The following PTAFR variants were observed in gnomAD, a reference collection of about 807,000 sequenced individuals.
PTAFR encodes the protein platelet-activating factor receptor.
A neutral mutation model predicts 14.7 loss-of-function variants in PTAFR; 8 were observed. The ratio of observed to expected loss-of-function variants is 0.54; its 90% CI spans 0.32 to 0.98. The LOEUF (loss-of-function observed/expected upper bound fraction) is 0.98, where lower values mean the gene tolerates loss of function less well. Ranked by LOEUF, PTAFR falls within the 50% of genes least tolerant of loss-of-function variation. PTAFR has a pLI of 0.04. For synonymous variants in PTAFR, 156 were observed against 176.5 expected (o/e 0.88, Z 0.92); for missense variants, 337 against 451.2 (o/e 0.75, Z 2.29).
chr1:28,192,446 T>G lies in PTAFR; in HGVS notation c.-39+1276A>C, dbSNP rs146062964. Among the ~76,000 whole-genome samples the G allele has an allele frequency of 6.7e-3, 999 of 149,710 alleles. 6 individuals carry two copies. Among genetic ancestry groups the G allele is most frequent in the Non-Finnish European group, 0.011 (745 of 67,720 alleles). ...GATGGCACATGCCTGTAATCCCAGC[T>G]ACTTGGAAGTCTGAGGCAGGAGAAT... On this transcript the variant is annotated intron_variant, in intron 1 of 1. Coordinates refer to the PTAFR transcript ENST00000305392.
intron 1 of PTAFR, among the ~76,000 whole-genome samples, chr1:28,172,871 T>C (rs1646466829): frequency 6.6e-6 from 1 of 151,910 alleles, no homozygotes; most frequent in African/African-American, 2.4e-5. Flanking sequence ...CTCGCTTATC[T>C]CAAAGCATTG....
chr1:28,155,475 T>G (rs955151963), intron 1 of PTAFR, among the ~76,000 whole-genome samples: 1 of 152,168 alleles, frequency 6.6e-6, no homozygotes, highest in African/African-American at 2.4e-5. Context: ...CCCAAAGTGC[T>G]GGGATTACAG....
chr1:28,150,791 G>GTC lies in PTAFR; in HGVS notation c.230_231insGA (p.Tyr77Ter). ...LITLPLWIVY[Y>*]QNQGNWILPK... The stretch of plus-strand genomic sequence containing the variant: ...GGAGTATCCAGTTGCCCTGGTTTTG[G>GTC]TAGTAGACAATCCAAAGTGGCAGGG... The change falls in exon 2 of 2, where the codon TAC becomes TAGAC. Residue 77 changes from tyrosine (Y) to a stop codon, truncating the protein, a stop_gained and frameshift_variant. Coordinates refer to ENST00000373857, the MANE Select transcript of PTAFR (RefSeq NM_000952.5). LOFTEE classifies it high-confidence loss of function. This position sits in a 1 kb window ranked among gnomAD's most constrained non-coding sequence, Gnocchi z 6.3. The GTC allele has an allele frequency of 6.2e-7, 1 of 1,614,108 alleles. No homozygotes were observed. Among genetic ancestry groups the GTC allele is most frequent in the Non-Finnish European group, 8.5e-7 (1 of 1,180,026 alleles).
intron 1 of PTAFR, among the ~76,000 whole-genome samples, chr1:28,188,676 C>T (rs1027290665): frequency 6.6e-6 from 1 of 151,264 alleles, no homozygotes; most frequent in African/African-American, 2.4e-5. Flanking sequence ...TGGAGGAACC[C>T]GGGAGATCGC....
chr1:28,150,462 A>G lies in PTAFR; in HGVS notation c.560T>C (p.Ile187Thr). The G allele has an allele frequency of 6.2e-7, 1 of 1,614,228 alleles. No homozygotes were observed. The highest frequency in any genetic ancestry group is 8.5e-7 in the Non-Finnish European group (1 of 1,180,046). ...YEKGSVPVLI[I>T]HIFIVFSFFL... ...GAAGCTGAACACGATGAAGATGTGG[A>G]TGATGAGGACTGGCACGCTGCCCTT... Residue 187 changes from isoleucine to threonine, a missense_variant, in exon 2 of 2, where the codon ATC becomes ACC. Coordinates refer to ENST00000373857, the MANE Select transcript of PTAFR (RefSeq NM_000952.5). The surrounding 1 kb of genome is among the most constrained non-coding windows in gnomAD (Gnocchi z 6.3).
upstream of PTAFR, among the ~76,000 whole-genome samples, chr1:28,177,436 TAG>T (rs1646527170): frequency 6.6e-6 from 1 of 152,190 alleles, no homozygotes; most frequent in Admixed American, 6.5e-5. Context: ...CCGTGTTTTG[TAG>T]AGATAGGGTC....
intron 1 of PTAFR, among the ~76,000 whole-genome samples, chr1:28,182,743 C>T (rs374700907): frequency 8.5e-4 from 129 of 152,208 alleles, no homozygotes; most frequent in African/African-American, 2.9e-3. Context: ...CGCAACGGCA[C>T]GATCTCGGCT....
chr1:28,158,215 G>A (rs1011514407), intron 1 of PTAFR, among the ~76,000 whole-genome samples: 8 of 152,196 alleles, frequency 5.3e-5, no homozygotes, highest in African/African-American at 1.9e-4. Flanking sequence ...CCAGACTTGA[G>A]GGTGAGGAGA....
chr1:28,181,466 G>T (rs943852993), upstream of PTAFR, among the ~76,000 whole-genome samples: 2 of 152,134 alleles, frequency 1.3e-5, no homozygotes, highest in African/African-American at 2.4e-5. Context: ...ATAAATTCTA[G>T]CCGGGCGCGG....
intron 1 of PTAFR, among the ~76,000 whole-genome samples, chr1:28,161,076 C>G (rs1646317676): frequency 6.6e-6 from 1 of 152,180 alleles, no homozygotes; most frequent in African/African-American, 2.4e-5. Flanking sequence ...TTGTCATTGT[C>G]TGGATGTTTA....
chr1:28,149,937 C>T lies in PTAFR; in HGVS notation c.*56G>A. ...GACCACAGTAGATATCCCTTCTTCCCCCAGCTCAGTCCATGATGTTCATGG... is the reference window on the plus strand; with the variant it reads ...GACCACAGTAGATATCCCTTCTTCCTCCAGCTCAGTCCATGATGTTCATGG... On this transcript the variant is annotated 3_prime_UTR_variant, in exon 2 of 2. Transcript: ENST00000373857. 1 of 1,557,706 alleles carries T rather than the reference C, an allele frequency of 6.4e-7. No homozygotes were observed. Among genetic ancestry groups the T allele is most frequent in the Non-Finnish European group, 8.7e-7 (1 of 1,149,038 alleles).
exon 1 of PTAFR, chr1:28,193,776 G>A (rs1646676628): frequency 6.5e-6 from 1 of 152,828 alleles, no homozygotes; most frequent in African/African-American, 2.4e-5. Context: ...TGAGGCAGAT[G>A]GGGGTCCCCT....
At chr1:28,166,155 A>C (rs1437321320) in intron 1 of PTAFR, among the ~76,000 whole-genome samples, 1 of 152,222 alleles carries the variant, frequency 6.6e-6, no homozygotes, top group Admixed American at 6.5e-5. Context: ...ATAAACCCTC[A>C]CATACATAGT....
chr1:28,191,594 GA>G (rs1646652939), intron 1 of PTAFR, among the ~76,000 whole-genome samples: 1 of 150,946 alleles, frequency 6.6e-6, no homozygotes, highest in Non-Finnish European at 1.5e-5. Flanking sequence ...AAAAGAGAGA[GA>G]GAGAGAGAGA....
intron 1 of PTAFR, among the ~76,000 whole-genome samples, chr1:28,173,462 AAAC>A (rs1417261622): frequency 6.6e-6 from 1 of 151,858 alleles, no homozygotes; most frequent in Non-Finnish European, 1.5e-5. Context: ...CAAACAAACA[AAAC>A]AAAACAAAAA....
chr1:28,151,111 T>TC, intron 1 of PTAFR, 52 bp from the exon 2 acceptor site: 1 of 1,024,598 alleles, frequency 9.8e-7, no homozygotes. Flanking sequence ...AAGGGACTGT[T>TC]CCATTTCATC....
chr1:28,183,931 G>C (rs573988005), intron 1 of PTAFR, among the ~76,000 whole-genome samples: 27 of 151,826 alleles, frequency 1.8e-4, no homozygotes, highest in South Asian at 8.4e-4. Flanking sequence ...ATGATGGATG[G>C]ATAGATAGAT....
rs191049005 is a variant in PTAFR, at chr1:28,165,533, C to T, written c.-39+11059G>A. Among the ~76,000 whole-genome samples the T allele has an allele frequency of 8.6e-5, 13 of 151,978 alleles. No individual in the cohort carries two copies. In the East Asian group the frequency reaches 2.3e-3, roughly 27 times the overall value. On this transcript the variant is annotated intron_variant, in intron 1 of 1. Coordinates refer to ENST00000373857, the MANE Select transcript of PTAFR (RefSeq NM_000952.5). The stretch of plus-strand genomic sequence containing the variant: ...GCGCGGTGCCTCACGCCTGTAATCC[C>T]AGCACTTTGAGAGGCCGAGACAGGC...
rs549259280 is a variant in PTAFR, at chr1:28,153,525, C to T, written c.-38-2466G>A. Among the ~76,000 whole-genome samples, 3 of 149,464 alleles carry T rather than the reference C, an allele frequency of 2.0e-5. No homozygotes were observed. The South Asian group carries it at 6.4e-4, about 32-fold the overall frequency. ...CTTTGGGAGGCCAAGGCAGACAGAT[C>T]CTTGAGTCCAGGAGTTTGAGACCAG... On this transcript the variant is annotated intron_variant, in intron 1 of 1. Coordinates refer to ENST00000373857, the MANE Select transcript of PTAFR (RefSeq NM_000952.5).
Sources: allele counts gnomAD v4.1 joint callset (sites outside exome capture counted in the v4.1 genomes callset), GRCh38; gene constraint gnomAD v4.1.1; non-coding constraint Gnocchi (gnomAD v3.1); transcripts MANE v1.5; gene names NCBI Gene and HGNC (gene_info 2026-07-23, HGNC 2026-07-21).